PARVB: variants seen among roughly 807,000 people sequenced by gnomAD.
PARVB encodes beta-parvin.
In PARVB, 46 loss-of-function variants were observed where a neutral mutation model predicts 47.0. That is an observed-to-expected ratio of 0.98 (90% CI 0.77 to 1.25). The LOEUF (loss-of-function observed/expected upper bound fraction) is 1.25, where lower values mean the gene tolerates loss of function less well. Among genes scored for constraint, PARVB ranks in the 50% most tolerant of loss-of-function variants. The pLI, the probability that PARVB is intolerant of heterozygous loss-of-function variation, is 0.00. For missense variants in PARVB, 473 were observed against 471.6 expected, an observed-to-expected ratio of 1.00 and a Z score of -0.03; for synonymous variants, 196 against 196.3, an observed-to-expected ratio of 1.00 and a Z score of 0.01.
intron 3 of PARVB, among the ~76,000 whole-genome samples, chr22:44,100,726 C>T (rs1043218152): frequency 2.0e-5 from 3 of 152,164 alleles, no homozygotes; most frequent in Non-Finnish European, 2.9e-5. Flanking sequence ...TCCTGCTCAC[C>T]GTGAGGCAGT....
intron 1 of PARVB, among the ~76,000 whole-genome samples, chr22:44,063,718 C>T (rs370722140): frequency 3.3e-5 from 5 of 152,144 alleles, no homozygotes; most frequent in East Asian, 1.9e-4. Flanking sequence ...GTGGCCTGCT[C>T]GGTGCTGGGG....
intron 4 of PARVB, chr22:44,119,969 A>G: frequency 2.3e-6 from 1 of 436,176 alleles, no homozygotes; most frequent in Non-Finnish European, 4.7e-6. Flanking sequence ...GAATTCTTGG[A>G]CTTGTAGTGG....
At position 44,132,920 on chromosome 22, in the gene PARVB, A is replaced by G. The variant is rs2053360534; in HGVS notation, c.544A>G (p.Ile182Val). 6.2e-7 allele frequency: 1 copy of G among 1,613,878 alleles called. No homozygotes were observed. The highest frequency in any genetic ancestry group is 8.5e-7 in the Non-Finnish European group (1 of 1,179,816). ...DSIHGKNLVA[I>V]LHLLVSLAMH... ...AATTCACGGGAAGAACCTGGTGGCCATCCTCCACCTGCTGGTCTCTCTGGC... is the reference window on the plus strand; with the variant it reads ...AATTCACGGGAAGAACCTGGTGGCCGTCCTCCACCTGCTGGTCTCTCTGGC... The change falls in exon 6 of 13, where the codon ATC (isoleucine) becomes GTC (valine). Residue 182 changes from isoleucine to valine, a missense_variant. By Grantham distance (29) the Ile-to-Val change is conservative (BLOSUM62 3). Transcript: ENST00000338758.
At chr22:44,129,095 TA>T (rs1211755758) in intron 4 of PARVB, among the ~76,000 whole-genome samples, 3 of 151,648 alleles carry the variant, frequency 2.0e-5, no homozygotes, top group Non-Finnish European at 4.4e-5. Context: ...ATAAAAAAAT[TA>T]AAAGAGGTAA....
intron 1 of PARVB, among the ~76,000 whole-genome samples, chr22:44,029,265 G>T (rs1372417405): frequency 6.6e-6 from 1 of 152,134 alleles, no homozygotes; most frequent in Non-Finnish European, 1.5e-5. Flanking sequence ...GATTACATGC[G>T]TGAGCCACAG....
At chr22:44,082,705 C>G (rs2051934114) in intron 1 of PARVB, among the ~76,000 whole-genome samples, 1 of 152,110 alleles carries the variant, frequency 6.6e-6, no homozygotes, top group South Asian at 2.1e-4. Flanking sequence ...GACATTTTAC[C>G]GTGCACCTGG....
intron 11 of PARVB, among the ~76,000 whole-genome samples, chr22:44,158,943 G>T (rs980968241): frequency 6.6e-6 from 1 of 152,340 alleles, no homozygotes; most frequent in South Asian, 2.1e-4. Flanking sequence ...TTATCAATCT[G>T]CCCACTTCTG....
chr22:44,001,403 C>T (rs967875767), intron 2 of PARVB, among the ~76,000 whole-genome samples: 2 of 152,184 alleles, frequency 1.3e-5, no homozygotes, highest in Non-Finnish European at 1.5e-5. Context: ...ATTAAGTACA[C>T]CTAACCTACT....
intron 3 of PARVB, chr22:44,111,911 T>C (rs1018814678): frequency 2.0e-5 from 3 of 151,928 alleles, no homozygotes; most frequent in Non-Finnish European, 4.4e-5. Flanking sequence ...TGTCAAGGGC[T>C]GAGTGTTTGG....
At chr22:44,018,849 C>T (rs1451275239) in intron 2 of PARVB, among the ~76,000 whole-genome samples, 7 of 152,182 alleles carry the variant, frequency 4.6e-5, no homozygotes, top group African/African-American at 1.7e-4. Flanking sequence ...TTGACTCGTG[C>T]GCTGCCCCCA....
rs2053807890 is a variant in PARVB at position 44,151,496 on chromosome 22, T to C, written c.788T>C (p.Phe263Ser). The C allele has an allele frequency of 6.2e-7, 1 of 1,613,868 alleles. No individual in the cohort carries two copies. Among genetic ancestry groups the C allele is most frequent in the Non-Finnish European group, 8.5e-7 (1 of 1,179,744 alleles). The change falls in exon 10 of 13, where the codon TTT (phenylalanine) becomes TCT (serine). Residue 263 changes from phenylalanine to serine, a missense_variant. Coordinates refer to ENST00000338758, the MANE Select transcript of PARVB (RefSeq NM_013327.5). ...TATTCTTGGCAGTCTCTCATCACTT[T>C]TGTGAACAAGCACCTGAACAAGCTG... Reference protein sequence around the residue: ...LSVVKKSLITFVNKHLNKLNL... With the variant: ...LSVVKKSLITSVNKHLNKLNL...
rs760908984 is a variant in PARVB at position 44,140,127 on chromosome 22, G to A, written c.696G>A (p.Met232Ile). 1.9e-6 allele frequency: 3 copies of A among 1,593,008 alleles called. No individual in the cohort carries two copies. Among genetic ancestry groups the A allele is most frequent in the Admixed American group, 1.7e-5 (1 of 57,986 alleles). Reference sequence around the variant, plus strand: ...CTCTCTGTGTTCTTGTTTGCAGGATGATGATGGGCCGGTTCGGTAAGTAAC... The same window carrying A: ...CTCTCTGTGTTCTTGTTTGCAGGATAATGATGGGCCGGTTCGGTAAGTAAC... ...ISEELTTTTE[M>I]MMGRFERDAF... The change falls in exon 8 of 13, where the codon ATG becomes ATA. Residue 232 changes from methionine (M) to isoleucine (I), a missense_variant. Physicochemically the swap from Met to Ile is conservative, Grantham distance 10 (BLOSUM62 1). Transcript: ENST00000338758.
At chr22:44,011,397 G>A (rs1238793047) in intron 2 of PARVB, among the ~76,000 whole-genome samples, 1 of 152,114 alleles carries the variant, frequency 6.6e-6, no homozygotes, top group African/African-American at 2.4e-5. Context: ...TGGATCACTT[G>A]AGGTCAGGCG....
chr22:44,008,401 C>T (rs570079163), intron 2 of PARVB, among the ~76,000 whole-genome samples: 10 of 152,212 alleles, frequency 6.6e-5, no homozygotes, highest in East Asian at 5.8e-4. Flanking sequence ...TGAGCCACCA[C>T]GCGCGGTCTA....
rs138622613 is a variant in PARVB, at chr22:44,036,948, G to C, written c.112+12497G>C. Among the ~76,000 whole-genome samples the C allele has an allele frequency of 2.5e-3, 376 of 151,796 alleles. 2 individuals are homozygous for C. Among genetic ancestry groups the C allele is most frequent in the African/African-American group, 8.5e-3 (351 of 41,374 alleles). Reference sequence around the variant, plus strand: ...TGCAGTGAACCATGATTGCGCCACTGCACTGCAGCTGTGTGACAGAGTGAG... The same window carrying C: ...TGCAGTGAACCATGATTGCGCCACTCCACTGCAGCTGTGTGACAGAGTGAG... On this transcript the variant is annotated intron_variant, in intron 1 of 12. Transcript: ENST00000338758.
intron 1 of PARVB, among the ~76,000 whole-genome samples, chr22:44,036,732 C>T (rs1332024112): frequency 6.6e-6 from 1 of 152,096 alleles, no homozygotes; most frequent in Non-Finnish European, 1.5e-5. Context: ...CTCTGCGAGG[C>T]TGAGATGGGC....
chr22:44,132,869 T>C (rs1325822912), intron 5 of PARVB, 25 bp from the exon 6 acceptor site: 2 of 1,533,570 alleles, frequency 1.3e-6, no homozygotes, highest in South Asian at 2.2e-5. Flanking sequence ...ATCTAAAGCG[T>C]CTCCCTTCCT....
intron 1 of PARVB, 93 bp from the exon 2 acceptor site, chr22:44,093,835 A>T: frequency 1.4e-6 from 1 of 736,090 alleles, no homozygotes; most frequent in Non-Finnish European, 2.3e-6. Flanking sequence ...TGAAAAAAAC[A>T]GGAATTGATT....
At chr22:44,018,872 T>G (rs1284105926) in intron 2 of PARVB, among the ~76,000 whole-genome samples, 1 of 151,988 alleles carries the variant, frequency 6.6e-6, no homozygotes, top group Non-Finnish European at 1.5e-5. Flanking sequence ...TTGGTCCATT[T>G]GCATTGCTAT....
Sources: allele counts gnomAD v4.1 joint callset (sites outside exome capture counted in the v4.1 genomes callset), GRCh38; gene constraint gnomAD v4.1.1; transcripts MANE v1.5; gene names NCBI Gene and HGNC (gene_info 2026-07-23, HGNC 2026-07-21).